DMXL1: variants seen among roughly 807,000 people sequenced by gnomAD.
DMXL1 encodes dmX-like protein 1.
Under a neutral mutation model 319.2 loss-of-function variants are expected in DMXL1, and 99 were observed. That is an observed-to-expected ratio of 0.31 (90% CI 0.26 to 0.37). The LOEUF (loss-of-function observed/expected upper bound fraction) is 0.37. DMXL1 is among the 10% of genes least tolerant of loss of function. The pLI is 1.00. For missense variants in DMXL1, 3,745 were observed against 3,595.6 expected, an observed-to-expected ratio of 1.04 and a Z score of -1.06; for synonymous variants, 1,385 against 1,235.2, an observed-to-expected ratio of 1.12 and a Z score of -2.54.
rs116728808 is a variant in DMXL1 at position 119,177,851 on chromosome 5, G to A, written c.6887-145G>A. The A allele has an allele frequency of 1.1e-3, 697 of 629,946 alleles. 5 individuals carry two copies. In the African/African-American group the frequency reaches 0.012, roughly 11 times the overall value. 39.0% of individuals were successfully genotyped at this position (629,946 alleles called of 1,614,324 possible). On this transcript the variant is annotated intron_variant, in intron 27 of 43. Coordinates refer to ENST00000539542, the MANE Select transcript of DMXL1 (RefSeq NM_001290321.3). ...TCATTTGTGCTTAACTATAATAACC[G>A]CTACTAGTCTGTGAATCTAGGGAAG... is the stretch of plus-strand genomic sequence containing the variant.
intron 1 of DMXL1, among the ~76,000 whole-genome samples, chr5:119,081,884 T>C (rs963587007): frequency 6.6e-6 from 1 of 151,862 alleles, no homozygotes; most frequent in African/African-American, 2.4e-5. Context: ...TCTAAAAATA[T>C]GAGAAAGAAT....
At chr5:119,075,803 G>C (rs1194402575) in intron 1 of DMXL1, among the ~76,000 whole-genome samples, 1 of 151,734 alleles carries the variant, frequency 6.6e-6, no homozygotes, top group Non-Finnish European at 1.5e-5. Context: ...GGGCTCAAGT[G>C]ATCCTCCCGC....
chr5:119,149,126 A>G lies in DMXL1; in HGVS notation c.3299A>G (p.Asp1100Gly), dbSNP rs115258403. The G allele has an allele frequency of 3.2e-4, 524 of 1,613,966 alleles. 3 individuals carry two copies. The African/African-American group carries it at 6.4e-3, about 20-fold the overall frequency. The change falls in exon 18 of 44, where the codon GAT becomes GGT. Residue 1100 changes from aspartate to glycine, a missense_variant. This residue lies in a region of DMXL1 where 2,096 missense variants were observed against 1,985.4 expected (regional missense o/e 1.06). Transcript: ENST00000539542. ...GTCCTTGAGCAGACAATTCATTTAG[A>G]TGAGTTAAGCACAGTATTGGATTCT... is the stretch of plus-strand genomic sequence containing the variant. ...CWVLEQTIHL[D>G]ELSTVLDSGI...
intron 38 of DMXL1, among the ~76,000 whole-genome samples, chr5:119,230,120 G>C (rs1786399881): frequency 6.6e-6 from 1 of 152,136 alleles, no homozygotes; most frequent in Non-Finnish European, 1.5e-5. Context: ...GACAAGGCCA[G>C]CCATCAAGTT....
chr5:119,170,297 A>G lies in DMXL1; in HGVS notation c.5506A>G (p.Thr1836Ala). 1.9e-6 allele frequency: 3 copies of G among 1,613,916 alleles called. No homozygotes were observed. The highest frequency in any genetic ancestry group is 1.1e-5 in the South Asian group (1 of 91,072). The change falls in exon 24 of 44, where the codon ACA becomes GCA. Residue 1836 changes from threonine (T) to alanine (A), a missense_variant. Transcript: ENST00000539542. The stretch of plus-strand genomic sequence containing the variant: ...TTTTGGATCATCTGATACATTTTCC[A>G]CACATATGAGCCTAACAGGAAAAAG... ...RHFGSSDTFS[T>A]HMSLTGKSGL...
At chr5:119,086,434 C>G (rs1206316847) in intron 1 of DMXL1, among the ~76,000 whole-genome samples, 1 of 152,110 alleles carries the variant, frequency 6.6e-6, no homozygotes, top group East Asian at 1.9e-4. Context: ...ATGTGTTGTT[C>G]AATTTGGTTT....
intron 13 of DMXL1, among the ~76,000 whole-genome samples, chr5:119,141,540 A>C (rs184007372): frequency 1.3e-5 from 2 of 152,172 alleles, no homozygotes; most frequent in African/African-American, 2.4e-5. Flanking sequence ...GAATACAGCT[A>C]TCCAGGGGGG....
chr5:119,185,756 G>C (rs977944343), intron 28 of DMXL1, among the ~76,000 whole-genome samples: 2 of 151,862 alleles, frequency 1.3e-5, no homozygotes, highest in Admixed American at 6.6e-5. Context: ...GCCTGTCTCA[G>C]CCTCCCAAAG....
At chr5:119,218,755 A>G (rs2150567179) in intron 35 of DMXL1, among the ~76,000 whole-genome samples, 1 of 152,300 alleles carries the variant, frequency 6.6e-6, no homozygotes, top group South Asian at 2.1e-4. Context: ...CACTGCACCC[A>G]GCTGATATGC....
intron 40 of DMXL1, 191 bp from the exon 41 acceptor site, chr5:119,238,798 T>C: frequency 1.3e-6 from 1 of 762,784 alleles, no homozygotes; most frequent in Non-Finnish European, 1.6e-6. Context: ...AAAAAGTTGC[T>C]GCATCTGGGT....
intron 1 of DMXL1, among the ~76,000 whole-genome samples, chr5:119,096,765 G>A (rs1207594420): frequency 6.6e-6 from 1 of 152,162 alleles, no homozygotes; most frequent in African/African-American, 2.4e-5. Flanking sequence ...GAAATGCTTG[G>A]CAACAAGTCT....
chr5:119,089,292 ATTTTT>A (rs1157921856), intron 1 of DMXL1, among the ~76,000 whole-genome samples: 18 of 39,868 alleles, frequency 4.5e-4, no homozygotes, highest in South Asian at 3.9e-3. Flanking sequence ...ATATATATAT[ATTTTT>A]TTTTTTTTTT....
At chr5:119,111,378 C>T (rs934549126) in intron 5 of DMXL1, among the ~76,000 whole-genome samples, 1 of 151,962 alleles carries the variant, frequency 6.6e-6, no homozygotes, top group Non-Finnish European at 1.5e-5. Context: ...TAAAATATCT[C>T]TAACATTTTA....
chr5:119,113,424 G>A lies in DMXL1; in HGVS notation c.498-1051G>A, dbSNP rs1031784486. On this transcript the variant is annotated intron_variant, in intron 5 of 43. Coordinates refer to ENST00000539542, the MANE Select transcript of DMXL1 (RefSeq NM_001290321.3). The stretch of plus-strand genomic sequence containing the variant: ...GCCTGGCTAATTTTTTGTATTTTTA[G>A]CAGAGATGGGGTTTCATCATGTTGG... Among the ~76,000 whole-genome samples, 5 of 152,228 alleles carry A rather than the reference G, an allele frequency of 3.3e-5. No individual in the cohort carries two copies. In the East Asian group the frequency reaches 5.8e-4, roughly 18 times the overall value.
At chr5:119,152,224 TA>T (rs1769961884) in intron 19 of DMXL1, among the ~76,000 whole-genome samples, 188 bp downstream of exon 19, 1 of 152,198 alleles carries the variant, frequency 6.6e-6, no homozygotes, top group South Asian at 2.1e-4. Flanking sequence ...TTTTTAATGG[TA>T]GGCAAAAGGA....
rs374452820 is a variant in DMXL1, at chr5:119,119,872, G to A, written c.933+868G>A. Among the ~76,000 whole-genome samples the A allele has an allele frequency of 1.1e-3, 166 of 151,410 alleles. 2 individuals carry two copies. The highest frequency in any genetic ancestry group is 3.8e-3 in the African/African-American group (157 of 41,242). ...TTTTTTGTGGATTTTTTTTTTGGGT[G>A]GGGGAGTTGTTTTGTTGTTGTTTTT... is the stretch of plus-strand genomic sequence containing the variant. On this transcript the variant is annotated intron_variant, in intron 8 of 43. Transcript: ENST00000539542.
chr5:119,122,620 C>A (rs1403412870), intron 9 of DMXL1, among the ~76,000 whole-genome samples: 2 of 150,096 alleles, frequency 1.3e-5, no homozygotes, highest in Non-Finnish European at 3.0e-5. Context: ...CTCCTCACTT[C>A]TCAGACGGGG....
At chr5:119,184,148 T>A (rs894263804) in intron 28 of DMXL1, among the ~76,000 whole-genome samples, 18 of 151,764 alleles carry the variant, frequency 1.2e-4, no homozygotes, top group Non-Finnish European at 1.9e-4. Flanking sequence ...CTTGGCCTCT[T>A]GGGCTCAAGT....
rs752609116 is a variant in DMXL1, at chr5:119,110,237, A to G, written c.451A>G (p.Lys151Glu). The change falls in exon 5 of 44, where the codon AAA becomes GAA. Residue 151 changes from lysine to glutamate, a missense_variant. Coordinates refer to ENST00000539542, the MANE Select transcript of DMXL1 (RefSeq NM_001290321.3). ...EKPTEDENLN[K>E]TDLNFGDWKC... ...GCCAACTGAAGATGAAAATTTAAAT[A>G]AAACAGATCTTAACTTTGGAGATTG... 2 of 1,588,288 alleles carry G rather than the reference A, an allele frequency of 1.3e-6. No homozygotes were observed. Among genetic ancestry groups the G allele is most frequent in the African/African-American group, 1.4e-5 (1 of 73,180 alleles).
Sources: gnomAD v4.1 joint callset for allele counts (sites outside exome capture counted in the v4.1 genomes callset) on GRCh38, gnomAD v4.1.1 for gene constraint, gnomAD v4.1.1 regional missense constraint, MANE v1.5 for transcripts, NCBI Gene and HGNC (gene_info 2026-07-23, HGNC 2026-07-21) for gene names.